Variants in TGFBR3 observed in about 807,000 individuals in gnomAD.
TGFBR3 encodes transforming growth factor beta receptor 3.
Under a neutral mutation model 87.9 loss-of-function variants are expected in TGFBR3, and 46 were observed. The ratio of observed to expected loss-of-function variants is 0.52; its 90% CI spans 0.41 to 0.67. The LOEUF is 0.67. Ranked by LOEUF, TGFBR3 falls within the 30% of genes least tolerant of loss-of-function variation. The pLI, the probability that TGFBR3 is intolerant of heterozygous loss-of-function variation, is 0.00. For missense variants in TGFBR3, 866 were observed against 1,041.9 expected, an observed-to-expected ratio of 0.83 and a Z score of 2.32; for synonymous variants, 381 against 391.6, an observed-to-expected ratio of 0.97 and a Z score of 0.32.
chr1:91,852,438 C>T (rs984380020), intron 2 of TGFBR3, among the ~76,000 whole-genome samples: 9 of 152,214 alleles, frequency 5.9e-5, no homozygotes, highest in Non-Finnish European at 8.8e-5. Flanking sequence ...CACGCATGCA[C>T]GCACATGCTG....
chr1:91,688,424 C>G (rs1028640411), intron 16 of TGFBR3, among the ~76,000 whole-genome samples: 1 of 152,172 alleles, frequency 6.6e-6, no homozygotes, highest in Non-Finnish European at 1.5e-5. Flanking sequence ...ACTTGAAGCT[C>G]TGGTTTGTTC....
At chr1:91,841,034 C>T (rs1328342515) in intron 2 of TGFBR3, among the ~76,000 whole-genome samples, 1 of 152,182 alleles carries the variant, frequency 6.6e-6, no homozygotes, top group Non-Finnish European at 1.5e-5. Context: ...TGGTCTTGAA[C>T]TCCGGACCTC....
chr1:91,734,655 G>T, intron 5 of TGFBR3, 121 bp downstream of exon 5: 1 of 1,270,418 alleles, frequency 7.9e-7, no homozygotes, highest in Non-Finnish European at 1.1e-6. Flanking sequence ...TGACCCCTCA[G>T]GTCCCTTCCA....
intron 2 of TGFBR3, among the ~76,000 whole-genome samples, chr1:91,826,960 A>G (rs1304532876): frequency 6.6e-6 from 1 of 152,136 alleles, no homozygotes; most frequent in Non-Finnish European, 1.5e-5. Context: ...AACCCCAAAC[A>G]TTTTTAAAAG....
intron 11 of TGFBR3, 71 bp downstream of exon 11, chr1:91,716,497 A>C: frequency 1.9e-6 from 3 of 1,613,992 alleles, no homozygotes; most frequent in Non-Finnish European, 1.7e-6. Flanking sequence ...TTATTTTCAG[A>C]TAGTCCCTAA....
At chr1:91,703,969 T>A (rs1251110465) in intron 14 of TGFBR3, among the ~76,000 whole-genome samples, 1 of 152,218 alleles carries the variant, frequency 6.6e-6, no homozygotes, top group Non-Finnish European at 1.5e-5. Flanking sequence ...TTCATCTTCC[T>A]TTTAGTTCAT....
chr1:91,882,045 A>AAATAAATG (rs1343914741), intron 1 of TGFBR3, among the ~76,000 whole-genome samples: 1 of 149,762 alleles, frequency 6.7e-6, no homozygotes, highest in Non-Finnish European at 1.5e-5. Context: ...TCTCAAAAAT[A>AAATAAATG]AATAAATAAA....
chr1:91,877,013 TC>T (rs1172013886), intron 1 of TGFBR3, among the ~76,000 whole-genome samples: 1 of 152,124 alleles, frequency 6.6e-6, no homozygotes, highest in Non-Finnish European at 1.5e-5. Flanking sequence ...GAGAACAGGA[TC>T]TTCAGGGTTA....
chr1:91,774,243 T>G (rs1674486731), intron 3 of TGFBR3, among the ~76,000 whole-genome samples: 2 of 152,098 alleles, frequency 1.3e-5, no homozygotes, highest in Middle Eastern at 3.2e-3. Flanking sequence ...GTGCAAGTGA[T>G]TCTCCCGCCT....
At chr1:91,814,158 G>T (rs756118138) in intron 2 of TGFBR3, among the ~76,000 whole-genome samples, 10 of 152,178 alleles carry the variant, frequency 6.6e-5, no homozygotes, top group African/African-American at 2.4e-5. Flanking sequence ...ATGTTGATTA[G>T]AAGTCGGGGT....
intron 2 of TGFBR3, among the ~76,000 whole-genome samples, chr1:91,837,031 A>G (rs886621106): frequency 3.9e-5 from 6 of 152,134 alleles, no homozygotes; most frequent in Admixed American, 3.9e-4. Context: ...CCATTTTAAA[A>G]AACTAAGCCA....
At chr1:91,859,056 A>G (rs533597113) in intron 2 of TGFBR3, among the ~76,000 whole-genome samples, 5 of 151,098 alleles carry the variant, frequency 3.3e-5, no homozygotes, top group African/African-American at 1.2e-4. Flanking sequence ...GAGACTCTGT[A>G]TCAAAAAAAA....
rs1234413458 is a variant in TGFBR3 at position 91,683,171 on chromosome 1, G to A, written c.*568C>T. 2.2e-6 allele frequency: 1 copy of A among 454,438 alleles called. No individual in the cohort carries two copies. The highest frequency in any genetic ancestry group is 7.0e-5 in the East Asian group (1 of 14,384). 28.2% of individuals were successfully genotyped at this position (454,438 alleles called of 1,614,324 possible). On this transcript the variant is annotated 3_prime_UTR_variant, in exon 17 of 17. Transcript: ENST00000212355. ...GTCCCTGAGGGCAGCACCCATCAAGGGACACATCAGACCCCACAGGTTGTG... is the reference window on the plus strand; with the variant it reads ...GTCCCTGAGGGCAGCACCCATCAAGAGACACATCAGACCCCACAGGTTGTG...
chr1:91,724,263 A>G (rs1423957310), intron 7 of TGFBR3, among the ~76,000 whole-genome samples: 3 of 152,254 alleles, frequency 2.0e-5, no homozygotes, highest in Non-Finnish European at 4.4e-5. Context: ...GGAAAGAGCT[A>G]AAATGAGATC....
intron 7 of TGFBR3, among the ~76,000 whole-genome samples, chr1:91,723,473 C>A (rs1195245466): frequency 1.6e-5 from 2 of 121,782 alleles, no homozygotes; most frequent in Non-Finnish European, 3.3e-5. Context: ...AGAGGGAGAC[C>A]CTGCCTTAAA....
intron 2 of TGFBR3, among the ~76,000 whole-genome samples, chr1:91,807,013 C>T (rs935711060): frequency 7.9e-5 from 12 of 152,146 alleles, no homozygotes; most frequent in African/African-American, 2.2e-4. Context: ...CAGGATATGA[C>T]GCAAAAACAA....
chr1:91,835,340 G>C (rs1677018690), intron 2 of TGFBR3, among the ~76,000 whole-genome samples: 1 of 152,188 alleles, frequency 6.6e-6, no homozygotes, highest in South Asian at 2.1e-4. Context: ...ATTCTATGTA[G>C]CTCTACAAGG....
At chr1:91,783,756 T>C (rs1674857860) in intron 3 of TGFBR3, among the ~76,000 whole-genome samples, 1 of 152,172 alleles carries the variant, frequency 6.6e-6, no homozygotes, top group Non-Finnish European at 1.5e-5. Flanking sequence ...AACAAATTAC[T>C]ATATCGGCAG....
In TGFBR3 at chr1:91,680,981, TACAG is replaced by T. The variant is rs1670889904; in HGVS notation, c.*2754_*2757del. The T allele has an allele frequency of 2.2e-6, 1 of 454,036 alleles. No individual in the cohort carries two copies. Among genetic ancestry groups the T allele is most frequent in the African/African-American group, 2.0e-5 (1 of 50,018 alleles). 28.1% of individuals were successfully genotyped at this position (454,036 alleles called of 1,614,324 possible). On this transcript the variant is annotated 3_prime_UTR_variant, in exon 17 of 17. Transcript: ENST00000212355. Reference sequence around the variant, plus strand: ...CATGGTGAAAAGCTATAGCGTATTATACAGACAATCTGCCTTGGAGTTTGGGGCA... The same window carrying T: ...CATGGTGAAAAGCTATAGCGTATTATACAATCTGCCTTGGAGTTTGGGGCA...
Sources: gnomAD v4.1 joint callset for allele counts (sites outside exome capture counted in the v4.1 genomes callset) on GRCh38, gnomAD v4.1.1 for gene constraint, MANE v1.5 for transcripts, NCBI Gene and HGNC (gene_info 2026-07-23, HGNC 2026-07-21) for gene names.